The following PMP2 variants were observed in gnomAD, a reference collection of about 807,000 sequenced individuals.
PMP2 encodes the protein peripheral myelin protein 2, also known as myelin P2 protein.
In PMP2, 11 loss-of-function variants were observed where a neutral mutation model predicts 15.9. The observed-to-expected ratio is 0.69, with a 90% confidence interval of 0.44 to 1.14. The LOEUF is 1.14. PMP2 is among the 50% of genes most tolerant of loss of function. The pLI, the probability that PMP2 is intolerant of heterozygous loss-of-function variation, is 0.00. For synonymous variants in PMP2, 55 were observed against 54.1 expected (o/e 1.02, Z -0.07); for missense variants, 151 against 154.0 (o/e 0.98, Z 0.10).
In PMP2 at chr8:81,444,976, G is replaced by A. The variant is rs1446740422; in HGVS notation, c.87C>T (p.Ala29=). 1.2e-6 allele frequency: 2 copies of A among 1,612,850 alleles called. No homozygotes were observed. Among genetic ancestry groups the A allele is most frequent in the African/African-American group, 1.3e-5 (1 of 74,808 alleles). ...DYMKALGVGL[A]TRKLGNLAKP... is the part of the protein sequence containing the mutation. ...TGGCCAAATTTCCCAGTTTTCTGGT[G>A]GCTAACCCCACACCTGAAAATTAAG... The change falls in exon 2 of 4, where the codon GCC becomes GCT. Residue 29 remains alanine (A), a synonymous_variant. Coordinates refer to ENST00000256103, the MANE Select transcript of PMP2 (RefSeq NM_002677.5).
intron 1 of PMP2, 140 bp from the exon 2 acceptor site, chr8:81,445,129 C>T: frequency 1.7e-6 from 1 of 577,626 alleles, no homozygotes; most frequent in South Asian, 2.8e-5. Flanking sequence ...CATCTCCTCC[C>T]ATGTTTCACT....
In PMP2 at chr8:81,442,709, G is replaced by A. The variant is rs752563418; in HGVS notation, c.*689C>T. On this transcript the variant is annotated 3_prime_UTR_variant, in exon 4 of 4. Coordinates refer to ENST00000256103, the MANE Select transcript of PMP2 (RefSeq NM_002677.5). Reference sequence around the variant, plus strand: ...ACCACTACTTGCTTTTGGTAGGGGTGGAACAGAAAAGGACACTGATTGGGA... The same window carrying A: ...ACCACTACTTGCTTTTGGTAGGGGTAGAACAGAAAAGGACACTGATTGGGA... 6.6e-6 allele frequency: 1 copy of A among 151,966 alleles called. No individual in the cohort carries two copies. Among genetic ancestry groups the A allele is most frequent in the Non-Finnish European group, 1.5e-5 (1 of 67,940 alleles). The allele number at this position is 151,966 out of a possible 1,614,324, so 9.4% of individuals were successfully genotyped here. A position where few individuals can be genotyped will look rare whatever the true frequency, so the allele number is the denominator to read the frequency against.
rs1351589394 is a variant in PMP2, at chr8:81,442,516, T to C, written c.*882A>G. Reference sequence around the variant, plus strand: ...GATAAACTGTGATATATTCATACAATGAAATAGTACTTGGTAATAAAAAGA... The same window carrying C: ...GATAAACTGTGATATATTCATACAACGAAATAGTACTTGGTAATAAAAAGA... On this transcript the variant is annotated 3_prime_UTR_variant, in exon 4 of 4. Transcript: ENST00000256103. 2 of 152,492 alleles carry C rather than the reference T, an allele frequency of 1.3e-5. No homozygotes were observed. The highest frequency in any genetic ancestry group is 1.3e-4 in the Admixed American group (2 of 15,264). 9.4% of individuals were successfully genotyped at this position (152,492 alleles called of 1,614,324 possible).
At chr8:81,444,637 AAT>A in intron 2 of PMP2, 36 bp from the exon 3 acceptor site, 2 of 1,554,746 alleles carry the variant, frequency 1.3e-6, no homozygotes, top group Non-Finnish European at 1.8e-6. Flanking sequence ...ACTTGCCTGA[AAT>A]TTGTTGATCA....
Position 81,444,561 on chromosome 8 carries a change from T to C in PMP2, c.287A>G (p.Gln96Arg), listed in dbSNP as rs2129706512. Residue 96 changes from glutamine (Q) to arginine (R), a missense_variant, in exon 3 of 4, where the codon CAG becomes CGG. Gln to Arg is a conservative substitution (Grantham distance 43). Transcript: ENST00000256103. ...TLQRGSLNQV[Q>R]RWDGKETTIK... is the part of the protein sequence containing the mutation. ...GGTTGTCTCTTTGCCATCCCATCTCTGCACTTGATTCAGTGATCCTCTCTG... is the reference window on the plus strand; with the variant it reads ...GGTTGTCTCTTTGCCATCCCATCTCCGCACTTGATTCAGTGATCCTCTCTG... The C allele has an allele frequency of 6.2e-7, 1 of 1,614,136 alleles. No individual in the cohort carries two copies. The highest frequency in any genetic ancestry group is 8.5e-7 in the Non-Finnish European group (1 of 1,179,968).
intron 1 of PMP2, 43 bp from the exon 2 acceptor site, chr8:81,445,032 C>T (rs1416573140): frequency 1.9e-6 from 3 of 1,563,952 alleles, no homozygotes; most frequent in Non-Finnish European, 8.7e-7. Flanking sequence ...ACCAAGAGAG[C>T]ATAGCCAAAG....
intron 3 of PMP2, among the ~76,000 whole-genome samples, chr8:81,443,950 A>G (rs1173779994): frequency 2.6e-5 from 4 of 152,086 alleles, no homozygotes; most frequent in African/African-American, 9.7e-5. Flanking sequence ...TAATTAGTGA[A>G]CATAAAGCCT....
intron 1 of PMP2, among the ~76,000 whole-genome samples, chr8:81,446,475 C>T (rs540775086): frequency 9.0e-4 from 137 of 152,186 alleles, no homozygotes; most frequent in Non-Finnish European, 1.7e-3. Context: ...TTTATACAGG[C>T]TTTCTGAACA....
chr8:81,441,206 C>T lies in PMP2; in HGVS notation c.*2192G>A, dbSNP rs775701681. On this transcript the variant is annotated 3_prime_UTR_variant, in exon 4 of 4. Coordinates refer to ENST00000256103, the MANE Select transcript of PMP2 (RefSeq NM_002677.5). ...CATTTGAAGGCACATGTTGAACATC[C>T]ACCCTTTATTGGTGAGGTTAATTTT... 2.0e-5 allele frequency: 3 copies of T among 151,974 alleles called. No homozygotes were observed. Among genetic ancestry groups the T allele is most frequent in the Non-Finnish European group, 2.9e-5 (2 of 67,966 alleles). The allele number at this position is 151,974 out of a possible 1,614,324, so 9.4% of individuals were successfully genotyped here.
Position 81,444,983 on chromosome 8 carries a change from C to G in PMP2, c.80G>C (p.Gly27Ala), listed in dbSNP as rs1206991926. 1.2e-6 allele frequency: 2 copies of G among 1,611,928 alleles called. No individual in the cohort carries two copies. The highest frequency in any genetic ancestry group is 2.2e-5 in the East Asian group (1 of 44,864). ...ATTTCCCAGTTTTCTGGTGGCTAAC[C>G]CCACACCTGAAAATTAAGATAGTGT... ...FDDYMKALGV[G>A]LATRKLGNLA... The change falls in exon 2 of 4, where the codon GGG becomes GCG. Residue 27 changes from glycine to alanine, a missense_variant. Transcript: ENST00000256103.
At position 81,441,016 on chromosome 8, in the gene PMP2, A is replaced by G. The variant is rs1807320072; in HGVS notation, c.*2382T>C. 1 of 152,186 alleles carries G rather than the reference A, an allele frequency of 6.6e-6. No individual in the cohort carries two copies. The highest frequency in any genetic ancestry group is 1.5e-5 in the Non-Finnish European group (1 of 68,006). 9.4% of individuals were successfully genotyped at this position (152,186 alleles called of 1,614,324 possible). ...TACAGAATCCAGTCTAGTATTACTTACTATGTTTAGTTGTCAGGTGTTTTT... is the reference window on the plus strand; with the variant it reads ...TACAGAATCCAGTCTAGTATTACTTGCTATGTTTAGTTGTCAGGTGTTTTT... On this transcript the variant is annotated 3_prime_UTR_variant, in exon 4 of 4. Coordinates refer to ENST00000256103, the MANE Select transcript of PMP2 (RefSeq NM_002677.5).
In PMP2 at chr8:81,444,618, A is replaced by G; in HGVS notation, c.247-17T>C. On this transcript the variant is annotated splice_polypyrimidine_tract_variant and intron_variant, in intron 2 of 3. Transcript: ENST00000256103. ...TACGATGCTCTGCAAAGACAAGGTC[A>G]TGCAATTGACTTGCCTGAAATTTGT... 2.5e-6 allele frequency: 4 copies of G among 1,592,402 alleles called. No individual in the cohort carries two copies. The highest frequency in any genetic ancestry group is 3.4e-6 in the Non-Finnish European group (4 of 1,164,774).
intron 1 of PMP2, among the ~76,000 whole-genome samples, chr8:81,445,239 T>A (rs2129709704): frequency 6.6e-6 from 1 of 152,312 alleles, no homozygotes; most frequent in Admixed American, 6.5e-5. Flanking sequence ...TTTCTTTTCT[T>A]TTTGAGACGG....
At chr8:81,443,848 A>T (rs1042527927) in intron 3 of PMP2, among the ~76,000 whole-genome samples, 1 of 152,164 alleles carries the variant, frequency 6.6e-6, no homozygotes, top group African/African-American at 2.4e-5. Flanking sequence ...TCCCCAAGTA[A>T]ATCTGTTGTG....
chr8:81,444,755 G>T, intron 2 of PMP2, 62 bp downstream of exon 2: 1 of 1,480,886 alleles, frequency 6.8e-7, no homozygotes, highest in South Asian at 1.2e-5. Context: ...ACACTAGCAG[G>T]AATATTCCTC....
rs531202929 is a variant in PMP2 at position 81,440,888 on chromosome 8, T to A, written c.*2510A>T. On this transcript the variant is annotated 3_prime_UTR_variant, in exon 4 of 4. Coordinates refer to ENST00000256103, the MANE Select transcript of PMP2 (RefSeq NM_002677.5). The stretch of plus-strand genomic sequence containing the variant: ...TGTGTATTTTCCAAGAATAGGGATT[T>A]TTTTTACTTAATCAAAGTATACTTC... 1.3e-5 allele frequency: 2 copies of A among 152,206 alleles called. No individual in the cohort carries two copies. Among genetic ancestry groups the A allele is most frequent in the Non-Finnish European group, 2.9e-5 (2 of 68,034 alleles). The allele number at this position is 152,206 out of a possible 1,614,324, so 9.4% of individuals were successfully genotyped here.
chr8:81,441,045 A>G lies in PMP2; in HGVS notation c.*2353T>C, dbSNP rs1259385989. ...TGTTTAGTTGTCAGGTGTTTTTACT[A>G]TCATTTAATCTGAAACATTTCCACA... On this transcript the variant is annotated 3_prime_UTR_variant, in exon 4 of 4. Coordinates refer to ENST00000256103, the MANE Select transcript of PMP2 (RefSeq NM_002677.5). 2 of 152,122 alleles carry G rather than the reference A, an allele frequency of 1.3e-5. No homozygotes were observed. The highest frequency in any genetic ancestry group is 4.8e-5 in the African/African-American group (2 of 41,428). 9.4% of individuals were successfully genotyped at this position (152,122 alleles called of 1,614,324 possible). A position where few individuals can be genotyped will look rare whatever the true frequency, so the allele number is the denominator to read the frequency against.
At chr8:81,444,762 C>G (rs951219488) in intron 2 of PMP2, 55 bp downstream of exon 2, 1 of 1,513,282 alleles carries the variant, frequency 6.6e-7, no homozygotes, top group Non-Finnish European at 9.1e-7. Context: ...CAGGAATATT[C>G]CTCTCTCTCA....
rs563454090 is a variant in PMP2, at chr8:81,440,665, A to G, written c.*2733T>C. 9.2e-5 allele frequency: 14 copies of G among 152,300 alleles called. No homozygotes were observed. The East Asian group carries it at 2.7e-3, about 29-fold the overall frequency. 9.4% of individuals were successfully genotyped at this position (152,300 alleles called of 1,614,324 possible). On this transcript the variant is annotated 3_prime_UTR_variant, in exon 4 of 4. Coordinates refer to ENST00000256103, the MANE Select transcript of PMP2 (RefSeq NM_002677.5). ...TCAGATTATTGTTAAATTTTACCTC[A>G]TTTACTTTATCAATTGCTCTTTCTC... is the stretch of plus-strand genomic sequence containing the variant.
Sources: allele counts gnomAD v4.1 joint callset (sites outside exome capture counted in the v4.1 genomes callset), GRCh38; gene constraint gnomAD v4.1.1; transcripts MANE v1.5; gene names NCBI Gene and HGNC (gene_info 2026-07-23, HGNC 2026-07-21).